Variants in KALRN observed in about 807,000 individuals in gnomAD.
KALRN encodes kalirin RhoGEF kinase.
A neutral mutation model predicts 353.7 loss-of-function variants in KALRN; 70 were observed. That is an observed-to-expected ratio of 0.20 (90% confidence interval 0.16 to 0.24). The LOEUF (loss-of-function observed/expected upper bound fraction) is 0.24. Among genes scored for constraint, KALRN ranks in the 10% least tolerant of loss-of-function variants. The pLI, the probability that KALRN is intolerant of heterozygous loss-of-function variation, is 1.00. For synonymous variants in KALRN, 1,391 were observed against 1,434.8 expected (o/e 0.97, Z 0.69); for missense variants, 2,791 against 3,756.7 (o/e 0.74, Z 6.72).
rs1439411973 is a variant in KALRN, at chr3:124,722,907, C to G, written c.*3437C>G. The G allele has an allele frequency of 1.3e-5, 2 of 152,118 alleles. No homozygotes were observed. Among genetic ancestry groups the G allele is most frequent in the African/African-American group, 2.4e-5 (1 of 41,498 alleles). 9.4% of individuals were successfully genotyped at this position (152,118 alleles called of 1,614,324 possible). A position where few individuals can be genotyped will look rare whatever the true frequency, so the allele number is the denominator to read the frequency against. ...TGTTTTGTTTTGTAAGGGTGGGATA[C>G]AGAAAGAATGAAAAGATCAGGGACA... On this transcript the variant is annotated 3_prime_UTR_variant, in exon 60 of 60. Coordinates refer to ENST00000682506, the MANE Select transcript of KALRN (RefSeq NM_001388419.1).
At chr3:124,486,499 C>A (rs1297500262) in intron 28 of KALRN, among the ~76,000 whole-genome samples, 1 of 152,156 alleles carries the variant, frequency 6.6e-6, no homozygotes, top group Non-Finnish European at 1.5e-5. Context: ...TCACTTCTCC[C>A]TCTCAAACAT....
intron 32 of KALRN, 22 bp downstream of exon 32, chr3:124,492,904 A>G: frequency 6.2e-7 from 1 of 1,609,978 alleles, no homozygotes; most frequent in South Asian, 1.1e-5. Context: ...CTCTCCCTCC[A>G]GCACTGCCTG....
At chr3:124,629,396 C>A (rs1368829569) in intron 34 of KALRN, among the ~76,000 whole-genome samples, 1 of 151,848 alleles carries the variant, frequency 6.6e-6, no homozygotes, top group African/African-American at 2.4e-5. Context: ...ACAAAAAAAA[C>A]TCTTTTTATC....
intron 54 of KALRN, among the ~76,000 whole-genome samples, chr3:124,697,118 G>A (rs1008885580): frequency 3.3e-5 from 5 of 151,910 alleles, no homozygotes; most frequent in African/African-American, 4.8e-5. Context: ...ATGGAGCCTC[G>A]AACTCCTGGG....
At chr3:124,677,540 A>T (rs539294600) in intron 49 of KALRN, 1 of 455,850 alleles carries the variant, frequency 2.2e-6, no homozygotes, top group Admixed American at 2.4e-5. Flanking sequence ...TGACAAAGCC[A>T]TATATTCACA....
intron 1 of KALRN, among the ~76,000 whole-genome samples, chr3:124,050,981 A>G (rs1244670535): frequency 6.6e-6 from 1 of 152,204 alleles, no homozygotes; most frequent in Non-Finnish European, 1.5e-5. Flanking sequence ...GCAAAAGAGG[A>G]AAGTACATTA....
intron 6 of KALRN, among the ~76,000 whole-genome samples, chr3:124,302,817 G>A (rs949055372): frequency 1.4e-5 from 2 of 139,290 alleles, no homozygotes; most frequent in Non-Finnish European, 3.1e-5. Context: ...GTGCTGCCAC[G>A]TGGCCTTTTC....
intron 25 of KALRN, among the ~76,000 whole-genome samples, chr3:124,463,717 C>T (rs2060064502): frequency 6.6e-6 from 1 of 152,092 alleles, no homozygotes; most frequent in Non-Finnish European, 1.5e-5. Context: ...AAGAGGCAAG[C>T]AAGAATTGGG....
At chr3:124,712,891 G>C (rs1452853126) in intron 57 of KALRN, 44 bp from the exon 58 acceptor site, 1 of 1,393,366 alleles carries the variant, frequency 7.2e-7, no homozygotes. Context: ...AATATATCTA[G>C]TTAATTAATG....
intron 21 of KALRN, among the ~76,000 whole-genome samples, chr3:124,452,327 A>G (rs1225159996): frequency 1.3e-5 from 2 of 152,190 alleles, no homozygotes; most frequent in East Asian, 3.8e-4. Context: ...TCATTCATTC[A>G]TTCAGTCAAC....
rs1462677687 is a variant in KALRN at position 124,441,931 on chromosome 3, T to C, written c.3199-14T>C. 1 of 1,537,698 alleles carries C rather than the reference T, an allele frequency of 6.5e-7. No individual in the cohort carries two copies. The highest frequency in any genetic ancestry group is 8.9e-7 in the Non-Finnish European group (1 of 1,128,860). ...CCTGCTGGGACAGGGGCCTCACAGC[T>C]TTGTCTTTCGCAGGCCTGCACCCTG... is the stretch of plus-strand genomic sequence containing the variant. On this transcript the variant is annotated splice_polypyrimidine_tract_variant and intron_variant, in intron 18 of 59. Coordinates refer to ENST00000682506, the MANE Select transcript of KALRN (RefSeq NM_001388419.1).
chr3:124,445,480 G>C (rs2093806718), intron 19 of KALRN, among the ~76,000 whole-genome samples: 1 of 152,112 alleles, frequency 6.6e-6, no homozygotes, highest in Non-Finnish European at 1.5e-5. Context: ...TGGCCCACTT[G>C]CTTTGCTATA....
chr3:124,612,128 G>A (rs982018), intron 34 of KALRN, among the ~76,000 whole-genome samples: 26,904 of 152,100 alleles, frequency 0.18, 2,651 homozygotes, highest in South Asian at 0.23. Flanking sequence ...AGGTTCAAGC[G>A]ATTCTCCTGC....
intron 33 of KALRN, among the ~76,000 whole-genome samples, chr3:124,512,894 A>G (rs1470273471): frequency 6.6e-6 from 1 of 152,174 alleles, no homozygotes; most frequent in African/African-American, 2.4e-5. Context: ...AATTTAACAA[A>G]AACCTAATAG....
chr3:124,419,102 G>T (rs898631851), intron 14 of KALRN, among the ~76,000 whole-genome samples: 2 of 151,922 alleles, frequency 1.3e-5, no homozygotes, highest in Non-Finnish European at 2.9e-5. Context: ...TGCTGAGTCT[G>T]ATGTGAGGCA....
chr3:124,270,819 G>GTTT (rs1553885259), intron 5 of KALRN, among the ~76,000 whole-genome samples: 14 of 68,024 alleles, frequency 2.1e-4, no homozygotes, highest in African/African-American at 4.6e-4. Flanking sequence ...TTATTTTTTT[G>GTTT]TTTTGTTTTT....
intron 33 of KALRN, among the ~76,000 whole-genome samples, chr3:124,517,401 G>A (rs2066735926): frequency 1.3e-5 from 2 of 152,078 alleles, no homozygotes; most frequent in Admixed American, 1.3e-4. Flanking sequence ...TTTCCATGCG[G>A]CAAGTGTGAT....
At chr3:124,681,513 C>T in intron 51 of KALRN, among the ~76,000 whole-genome samples, 1 of 151,912 alleles carries the variant, frequency 6.6e-6, no homozygotes, top group East Asian at 1.9e-4. Flanking sequence ...TAGGCACAAA[C>T]TTTCAAGTAG....
intron 23 of KALRN, 132 bp downstream of exon 23, chr3:124,456,860 T>C: frequency 1.7e-6 from 1 of 578,214 alleles, no homozygotes; most frequent in African/African-American, 1.9e-5. Context: ...AGACATAATG[T>C]TTGCATTGAG....
Sources: allele counts gnomAD v4.1 joint callset (sites outside exome capture counted in the v4.1 genomes callset), GRCh38; gene constraint gnomAD v4.1.1; transcripts MANE v1.5; gene names NCBI Gene and HGNC (gene_info 2026-07-23, HGNC 2026-07-21).